DGKE: variants seen among roughly 807,000 people sequenced by gnomAD.
The protein encoded by DGKE is DAG kinase epsilon.
DGKE carries 53 observed loss-of-function variants against 70.0 expected under a neutral mutation model. The ratio of observed to expected loss-of-function variants is 0.76; its 90% CI spans 0.61 to 0.95. The LOEUF (loss-of-function observed/expected upper bound fraction) is 0.95. Ranked by LOEUF, DGKE falls within the 40% of genes least tolerant of loss-of-function variation. DGKE has a pLI of 0.00. For synonymous variants in DGKE, 291 were observed against 257.0 expected, an observed-to-expected ratio of 1.13 and a Z score of -1.27; for missense variants, 655 against 706.9, an observed-to-expected ratio of 0.93 and a Z score of 0.83.
In DGKE at chr17:56,863,322, C is replaced by A. The variant is rs915264766; in HGVS notation, c.*531C>A. The A allele has an allele frequency of 2.0e-5, 3 of 152,058 alleles. No individual in the cohort carries two copies. The highest frequency in any genetic ancestry group is 7.3e-5 in the African/African-American group (3 of 41,376). The allele number at this position is 152,058 out of a possible 1,614,324, so 9.4% of individuals were successfully genotyped here. A position where few individuals can be genotyped will look rare whatever the true frequency, so the allele number is the denominator to read the frequency against. ...GTGTATGTATTGATTTCTAGGAACC[C>A]CCAAAAGGAGAATAGTAAAAAAAGA... On this transcript the variant is annotated 3_prime_UTR_variant, in exon 12 of 12. Transcript: ENST00000284061.
intron 2 of DGKE, 87 bp from the exon 3 acceptor site, chr17:56,843,932 T>C: frequency 7.6e-7 from 1 of 1,318,440 alleles, no homozygotes; most frequent in Non-Finnish European, 1.0e-6. Context: ...AATTATGTTT[T>C]ATTTTTTAAC....
chr17:56,838,919 G>T (rs930317549), intron 2 of DGKE: 1 of 152,158 alleles, frequency 6.6e-6, no homozygotes, highest in Non-Finnish European at 1.5e-5. Context: ...ATTTGCTGAT[G>T]TATTCAGGAA....
intron 3 of DGKE, among the ~76,000 whole-genome samples, chr17:56,845,111 T>TAATGGTTACATCTACAAGGAGAGGGG (rs1453288447): frequency 2.0e-5 from 3 of 152,168 alleles, no homozygotes; most frequent in Non-Finnish European, 4.4e-5. Context: ...ATAACTTCAT[T>TAATGGTTACATCTACAAGGAGAGGGG]AATGGTTACA....
In DGKE at chr17:56,864,981, T is replaced by C. The variant is rs1963340641; in HGVS notation, c.*2190T>C. On this transcript the variant is annotated 3_prime_UTR_variant, in exon 12 of 12. Coordinates refer to ENST00000284061, the MANE Select transcript of DGKE (RefSeq NM_003647.3). ...TTTTTGCATCACTACTGGTCTGTCA[T>C]GAAGTTTTTCTGCTGGCTTATTCAC... 1 of 152,172 alleles carries C rather than the reference T, an allele frequency of 6.6e-6. No homozygotes were observed. The highest frequency in any genetic ancestry group is 6.5e-5 in the Admixed American group (1 of 15,274). The allele number at this position is 152,172 out of a possible 1,614,324, so 9.4% of individuals were successfully genotyped here.
At position 56,845,795 on chromosome 17, in the gene DGKE, T is replaced by C; in HGVS notation, c.730T>C (p.Leu244=). 6.2e-7 allele frequency: 1 copy of C among 1,602,570 alleles called. No homozygotes were observed. The highest frequency in any genetic ancestry group is 8.5e-7 in the Non-Finnish European group (1 of 1,175,530). ...EGLLGEFRIL[L]NPVQVFDVTK... ...ACTGTTGGGAGAATTTAGGATCTTG[T>C]TGAATCCAGTCCAGGTAACTAAAGA... The change falls in exon 4 of 12, where the codon TTG becomes CTG. Residue 244 remains leucine (L), a synonymous_variant. Coordinates refer to ENST00000284061, the MANE Select transcript of DGKE (RefSeq NM_003647.3).
intron 10 of DGKE, 91 bp downstream of exon 10, chr17:56,862,009 C>T: frequency 6.5e-7 from 1 of 1,532,948 alleles, no homozygotes; most frequent in Non-Finnish European, 8.8e-7. Flanking sequence ...CTCAAATTTT[C>T]TTTTTTGTGT....
chr17:56,843,820 GTTAGA>G (rs1354937486), intron 2 of DGKE, among the ~76,000 whole-genome samples, 194 bp from the exon 3 acceptor site: 1 of 135,098 alleles, frequency 7.4e-6, no homozygotes, highest in Non-Finnish European at 1.7e-5. Flanking sequence ...AAAAAGTGCT[GTTAGA>G]TTAAACTGCC....
chr17:56,855,285 TGAAAA>T (rs1907879026), intron 7 of DGKE, among the ~76,000 whole-genome samples: 1 of 151,914 alleles, frequency 6.6e-6, no homozygotes, highest in Non-Finnish European at 1.5e-5. Flanking sequence ...GGGAAAAGCA[TGAAAA>T]GAACAAGTGA....
At chr17:56,840,699 C>T (rs1906923348) in intron 2 of DGKE, among the ~76,000 whole-genome samples, 3 of 152,040 alleles carry the variant, frequency 2.0e-5, no homozygotes, top group Admixed American at 6.5e-5. Flanking sequence ...TGGAAAAGCC[C>T]GACACTTCCA....
At position 56,862,689 on chromosome 17, in the gene DGKE, A is replaced by G. The variant is rs1237311840; in HGVS notation, c.1602A>G (p.Ile534Met). The G allele has an allele frequency of 1.2e-6, 2 of 1,611,348 alleles. No homozygotes were observed. Among genetic ancestry groups the G allele is most frequent in the Non-Finnish European group, 1.7e-6 (2 of 1,179,220 alleles). The change falls in exon 12 of 12, where the codon ATA (isoleucine) becomes ATG (methionine). Residue 534 changes from isoleucine to methionine, a missense_variant. Physicochemically the swap from Ile to Met is conservative, Grantham distance 10. Transcript: ENST00000284061. ...CCCAAGGGCCCTGCACTGTCACCAT[A>G]ACTCACAAGACACATGCAATGATGT... The part of the protein sequence containing the change: ...PWAQGPCTVT[I>M]THKTHAMMLY...
chr17:56,841,944 G>A (rs1907007638), intron 2 of DGKE, among the ~76,000 whole-genome samples: 3 of 151,998 alleles, frequency 2.0e-5, no homozygotes, highest in Non-Finnish European at 2.9e-5. Flanking sequence ...ACAGGCACAC[G>A]TTACCACGCC....
At position 56,847,913 on chromosome 17, in the gene DGKE, T is replaced by G. The variant is rs1255164791; in HGVS notation, c.745-9T>G. ...ATAAAAATAATTTGTCTTTTTCTTTTGTTTCTAGGTTTTTGATGTAACTAA... is the reference window on the plus strand; with the variant it reads ...ATAAAAATAATTTGTCTTTTTCTTTGGTTTCTAGGTTTTTGATGTAACTAA... On this transcript the variant is annotated splice_polypyrimidine_tract_variant and intron_variant, in intron 4 of 11. Transcript: ENST00000284061. 6.5e-7 allele frequency: 1 copy of G among 1,534,148 alleles called. No homozygotes were observed. Among genetic ancestry groups the G allele is most frequent in the Non-Finnish European group, 8.7e-7 (1 of 1,142,900 alleles).
chr17:56,862,102 T>C, intron 10 of DGKE, 38 bp from the exon 11 acceptor site: 1 of 1,602,268 alleles, frequency 6.2e-7, no homozygotes, highest in Non-Finnish European at 8.5e-7. Flanking sequence ...GATTTTTTAT[T>C]GCATCATATA....
intron 4 of DGKE, 120 bp downstream of exon 4, chr17:56,845,929 T>C: frequency 9.0e-7 from 1 of 1,116,760 alleles, no homozygotes; most frequent in Non-Finnish European, 1.2e-6. Context: ...TACAAAAAGA[T>C]CAGCCATTTA....
At position 56,844,133 on chromosome 17, in the gene DGKE, A is replaced by G. The variant is rs3760158; in HGVS notation, c.579A>G (p.Thr193=). Residue 193 remains threonine (T), a synonymous_variant, in exon 3 of 12, where the codon ACA becomes ACG. Transcript: ENST00000284061. ...TAATCATTCCACCAAGTTATTTAAC[A>G]TCCATTAATCAGATGCGTAAAGACA... ...KNLIIPPSYL[T]SINQMRKDKK... is the part of the protein sequence containing the mutation. 1 of 1,572,864 alleles carries G rather than the reference A, an allele frequency of 6.4e-7. No individual in the cohort carries two copies. The highest frequency in any genetic ancestry group is 8.6e-7 in the Non-Finnish European group (1 of 1,163,846).
intron 6 of DGKE, 94 bp from the exon 7 acceptor site, chr17:56,849,087 A>G (rs1461074750): frequency 2.9e-5 from 38 of 1,320,120 alleles, no homozygotes; most frequent in African/African-American, 4.4e-5. Flanking sequence ...ACTTTTGTAG[A>G]TGGTATTTTA....
intron 2 of DGKE, among the ~76,000 whole-genome samples, chr17:56,838,210 T>A (rs1235960126): frequency 2.0e-5 from 3 of 152,218 alleles, no homozygotes; most frequent in African/African-American, 7.2e-5. Context: ...AGCTGCTGAC[T>A]CTCAGAAGGC....
chr17:56,839,984 G>A (rs1395276569), intron 2 of DGKE, among the ~76,000 whole-genome samples: 1 of 152,038 alleles, frequency 6.6e-6, no homozygotes, highest in Non-Finnish European at 1.5e-5. Context: ...GACCAATATG[G>A]AGAAACCCCA....
intron 10 of DGKE, 73 bp downstream of exon 10, chr17:56,861,991 C>T: frequency 6.5e-7 from 1 of 1,540,920 alleles, no homozygotes; most frequent in Non-Finnish European, 8.7e-7. Flanking sequence ...TAGACTTTAA[C>T]ATTTTTCCTC....
Sources: allele counts gnomAD v4.1 joint callset (sites outside exome capture counted in the v4.1 genomes callset), GRCh38; gene constraint gnomAD v4.1.1; transcripts MANE v1.5; gene names NCBI Gene and HGNC (gene_info 2026-07-23, HGNC 2026-07-21).